Variants in QTMAN observed in about 807,000 individuals in gnomAD.
QTMAN encodes queuosine-tRNA mannosyltransferase, also known as tRNA-queuosine alpha-mannosyltransferase.
chr2:143,946,957 T>G, the QTMAN span: 1 of 866,202 alleles, frequency 1.2e-6, no homozygotes, highest in African/African-American at 1.7e-5. Context: ...CCTCTGCAGA[T>G]TTTCTTTTCT....
At chr2:144,276,994 C>T in the QTMAN span, among the ~76,000 whole-genome samples, 1 of 152,142 alleles carries the variant, frequency 6.6e-6, no homozygotes, top group Non-Finnish European at 1.5e-5. Context: ...CAAGATGTGG[C>T]ACACAGTGAA....
the QTMAN span, chr2:144,011,706 GA>G: frequency 2.0e-6 from 2 of 984,370 alleles, no homozygotes; most frequent in Non-Finnish European, 2.4e-6. Context: ...TATAGAACTG[GA>G]CAGAATGTTT....
chr2:144,227,033 A>G, the QTMAN span, among the ~76,000 whole-genome samples: 1 of 152,130 alleles, frequency 6.6e-6, no homozygotes, highest in Non-Finnish European at 1.5e-5. Flanking sequence ...CTTGTGTATT[A>G]AAAAGTATAA....
the QTMAN span, among the ~76,000 whole-genome samples, chr2:144,326,352 G>C: frequency 6.6e-6 from 1 of 151,952 alleles, no homozygotes; most frequent in Non-Finnish European, 1.5e-5. Flanking sequence ...CTTTGGGAGG[G>C]TGAGGCGGGC....
At chr2:144,206,987 G>T in the QTMAN span, among the ~76,000 whole-genome samples, 2 of 152,076 alleles carry the variant, frequency 1.3e-5, no homozygotes, top group African/African-American at 4.8e-5. Flanking sequence ...TAATACAATT[G>T]GTGCTGCAAA....
At chr2:143,944,309 T>G in the QTMAN span, 1 of 152,250 alleles carries the variant, frequency 6.6e-6, no homozygotes, top group African/African-American at 2.4e-5. Flanking sequence ...ACAAAACTTT[T>G]TATTGCTTAT....
chr2:144,300,780 AG>A, the QTMAN span, among the ~76,000 whole-genome samples: 20 of 152,172 alleles, frequency 1.3e-4, no homozygotes, highest in Non-Finnish European at 2.5e-4. Flanking sequence ...AAACAGGGGT[AG>A]GGATAGGGGT....
At chr2:144,309,010 A>G in the QTMAN span, among the ~76,000 whole-genome samples, 2 of 152,212 alleles carry the variant, frequency 1.3e-5, no homozygotes, top group Admixed American at 6.5e-5. Context: ...GCCAATGAAT[A>G]AATGAAAATA....
chr2:144,015,968 G>A, the QTMAN span, among the ~76,000 whole-genome samples: 3 of 152,178 alleles, frequency 2.0e-5, no homozygotes, highest in Non-Finnish European at 4.4e-5. Context: ...CGGGCGTGAC[G>A]TGTAGTAGGA....
the QTMAN span, among the ~76,000 whole-genome samples, chr2:144,318,194 A>AACACACACACACACACACACACACAC: frequency 7.0e-6 from 1 of 141,934 alleles, no homozygotes; most frequent in African/African-American, 2.6e-5. Flanking sequence ...TATTTAAATA[A>AACACACACACACACACACACACACAC]ACACACACAC....
At chr2:144,154,327 A>G in the QTMAN span, among the ~76,000 whole-genome samples, 24 of 152,150 alleles carry the variant, frequency 1.6e-4, no homozygotes, top group African/African-American at 5.8e-4. Context: ...CTGGAATAAC[A>G]AGGAGGAGGT....
chr2:144,156,232 C>T, the QTMAN span, among the ~76,000 whole-genome samples: 1 of 152,084 alleles, frequency 6.6e-6, no homozygotes, highest in African/African-American at 2.4e-5. Context: ...TCTTTGAAAT[C>T]CTCCTTAAAT....
the QTMAN span, among the ~76,000 whole-genome samples, chr2:144,118,423 T>G: frequency 0.028 from 4,314 of 152,054 alleles, 193 homozygotes; most frequent in African/African-American, 0.099. Flanking sequence ...AAGCTAAGTA[T>G]CTCTCTGGCT....
the QTMAN span, among the ~76,000 whole-genome samples, chr2:144,063,210 T>C: frequency 6.6e-6 from 1 of 152,058 alleles, no homozygotes; most frequent in South Asian, 2.1e-4. Context: ...CTGGATTAAG[T>C]CCCTTAATCC....
the QTMAN span, among the ~76,000 whole-genome samples, chr2:144,107,997 C>T: frequency 6.6e-6 from 1 of 152,184 alleles, no homozygotes; most frequent in African/African-American, 2.4e-5. Flanking sequence ...GAACCAAAGA[C>T]ACAAACCACA....
At chr2:144,242,314 AAAAC>A in the QTMAN span, among the ~76,000 whole-genome samples, 1 of 152,186 alleles carries the variant, frequency 6.6e-6, no homozygotes, top group Non-Finnish European at 1.5e-5. Flanking sequence ...TGCTGAAAAA[AAAAC>A]AAGCAGGAGA....
At chr2:144,173,064 T>A in the QTMAN span, among the ~76,000 whole-genome samples, 2 of 152,166 alleles carry the variant, frequency 1.3e-5, no homozygotes, top group South Asian at 4.1e-4. Flanking sequence ...TCTTTCAGCG[T>A]TTTGAAGGTG....
At chr2:144,179,244 T>C in the QTMAN span, among the ~76,000 whole-genome samples, 188 of 152,234 alleles carry the variant, frequency 1.2e-3, 2 homozygotes, top group African/African-American at 4.4e-3. Context: ...GACAGTAGAG[T>C]AGAAGGAGCA....
chr2:144,011,110 A>G, the QTMAN span, among the ~76,000 whole-genome samples: 1 of 152,144 alleles, frequency 6.6e-6, no homozygotes, highest in African/African-American at 2.4e-5. Context: ...TAATCTATTC[A>G]TTATAGTGAT....
Sources: gnomAD v4.1 joint callset for allele counts (sites outside exome capture counted in the v4.1 genomes callset) on GRCh38, gnomAD v4.1.1 for gene constraint, MANE v1.5 for transcripts, NCBI Gene and HGNC (gene_info 2026-07-23, HGNC 2026-07-21) for gene names.